The following EPHB1 variants were observed in gnomAD, a reference collection of about 807,000 sequenced individuals.
EPHB1 encodes ephrin type-B receptor 1.
In EPHB1, 30 loss-of-function variants were observed where a neutral mutation model predicts 94.4. The ratio of observed to expected loss-of-function variants is 0.32; its 90% confidence interval spans 0.24 to 0.43. EPHB1 has a LOEUF of 0.43. Ranked by LOEUF, EPHB1 falls within the 20% of genes least tolerant of loss-of-function variation. EPHB1 has a pLI of 1.00. For missense variants in EPHB1, 1,055 were observed against 1,308.3 expected (o/e 0.81, Z 2.99); for synonymous variants, 522 against 489.1 (o/e 1.07, Z -0.89).
At chr3:135,135,127 G>C (rs985753096) in intron 5 of EPHB1, among the ~76,000 whole-genome samples, 19 of 152,034 alleles carry the variant, frequency 1.2e-4, no homozygotes, top group African/African-American at 4.6e-4. Context: ...CCCCGATTTT[G>C]TAGTCCTAGC....
At chr3:135,222,625 CAG>C (rs1943299014) in intron 12 of EPHB1, among the ~76,000 whole-genome samples, 1 of 152,084 alleles carries the variant, frequency 6.6e-6, no homozygotes, top group Admixed American at 6.5e-5. Context: ...TCTGATAAAA[CAG>C]GGAGTAAACA....
intron 6 of EPHB1, among the ~76,000 whole-genome samples, chr3:135,159,962 T>A (rs1449757538): frequency 6.6e-6 from 1 of 152,198 alleles, no homozygotes; most frequent in Admixed American, 6.5e-5. Context: ...ATTTATTTCA[T>A]CTTTTGTGAC....
At chr3:135,249,062 C>T (rs1466138082) in intron 14 of EPHB1, among the ~76,000 whole-genome samples, 4 of 152,168 alleles carry the variant, frequency 2.6e-5, no homozygotes, top group Admixed American at 6.5e-5. Flanking sequence ...AGTTGGGAGC[C>T]TTCCGTTCCC....
At chr3:134,999,397 A>G (rs1171435557) in intron 3 of EPHB1, among the ~76,000 whole-genome samples, 1 of 152,184 alleles carries the variant, frequency 6.6e-6, no homozygotes, top group Non-Finnish European at 1.5e-5. Flanking sequence ...GTCTAATCTG[A>G]AGAGGATAAA....
At chr3:135,217,257 G>T (rs532287793) in intron 12 of EPHB1, among the ~76,000 whole-genome samples, 14 of 152,216 alleles carry the variant, frequency 9.2e-5, no homozygotes, top group Non-Finnish European at 1.9e-4. Flanking sequence ...CTGAGGATAG[G>T]CATCACCGTG....
At chr3:134,953,668 T>G (rs1452694068) in intron 3 of EPHB1, among the ~76,000 whole-genome samples, 3 of 152,200 alleles carry the variant, frequency 2.0e-5, no homozygotes, top group African/African-American at 7.2e-5. Flanking sequence ...CACACCACAC[T>G]TGCTGGCTGG....
chr3:134,879,255 A>G (rs1253297069), intron 1 of EPHB1, among the ~76,000 whole-genome samples: 2 of 152,180 alleles, frequency 1.3e-5, no homozygotes, highest in Admixed American at 6.5e-5. Context: ...AACTGAAACC[A>G]TTGAATCACT....
intron 1 of EPHB1, among the ~76,000 whole-genome samples, chr3:134,801,724 A>T (rs1228824618): frequency 6.6e-6 from 1 of 152,192 alleles, no homozygotes; most frequent in Non-Finnish European, 1.5e-5. Flanking sequence ...TCTTCTGCAG[A>T]TTCCATTTCA....
chr3:135,069,631 A>C (rs1212786007), intron 3 of EPHB1, among the ~76,000 whole-genome samples: 2 of 152,092 alleles, frequency 1.3e-5, no homozygotes, highest in Non-Finnish European at 2.9e-5. Flanking sequence ...TCACCTATAC[A>C]TATCCTTCCA....
At chr3:135,202,625 C>A (rs138627482) in intron 12 of EPHB1, among the ~76,000 whole-genome samples, 47 of 152,244 alleles carry the variant, frequency 3.1e-4, no homozygotes, top group African/African-American at 1.1e-3. Context: ...TTTAAACCTG[C>A]AAAAGTAATG....
intron 1 of EPHB1, among the ~76,000 whole-genome samples, chr3:134,846,209 T>G (rs142614392): frequency 6.6e-6 from 1 of 152,236 alleles, no homozygotes; most frequent in African/African-American, 2.4e-5. Context: ...TCTTGCTGTG[T>G]GTTAAGCCAG....
chr3:134,972,587 A>G (rs1319220909), intron 3 of EPHB1, among the ~76,000 whole-genome samples: 2 of 147,388 alleles, frequency 1.4e-5, no homozygotes, highest in African/African-American at 4.9e-5. Context: ...TATAATGTAT[A>G]TTAAAGAGGT....
At chr3:135,092,137 A>C (rs1338345337) in intron 3 of EPHB1, among the ~76,000 whole-genome samples, 1 of 152,164 alleles carries the variant, frequency 6.6e-6, no homozygotes, top group Non-Finnish European at 1.5e-5. Context: ...TGGAGCTACC[A>C]GATTGATGGT....
intron 2 of EPHB1, among the ~76,000 whole-genome samples, chr3:134,930,850 T>C (rs2038892051): frequency 6.6e-6 from 1 of 152,202 alleles, no homozygotes; most frequent in Non-Finnish European, 1.5e-5. Context: ...TGTGGGGCTT[T>C]GTACCAACCT....
At position 135,039,642 on chromosome 3, in the gene EPHB1, T is replaced by C. The variant is rs566844368; in HGVS notation, c.806-66806T>C. ...CAGTGGGCCGGCACTGCTGGTGGACTCAGTACACCCTCCGCAGCCACTGGC... is the reference window on the plus strand; with the variant it reads ...CAGTGGGCCGGCACTGCTGGTGGACCCAGTACACCCTCCGCAGCCACTGGC... On this transcript the variant is annotated intron_variant, in intron 3 of 15. Transcript: ENST00000398015. Among the ~76,000 whole-genome samples the C allele has an allele frequency of 5.4e-3, 829 of 152,284 alleles. 7 individuals are homozygous for C. The highest frequency in any genetic ancestry group is 0.018 in the African/African-American group (758 of 41,572).
intron 3 of EPHB1, among the ~76,000 whole-genome samples, chr3:135,051,418 A>G (rs969803847): frequency 1.3e-5 from 2 of 152,248 alleles, no homozygotes; most frequent in Non-Finnish European, 2.9e-5. Flanking sequence ...TTATTTCCTA[A>G]TAATAAATCC....
chr3:135,223,660 C>T (rs772073529), intron 12 of EPHB1, among the ~76,000 whole-genome samples: 20 of 152,264 alleles, frequency 1.3e-4, no homozygotes, highest in African/African-American at 3.1e-4. Context: ...GATGTCTTGG[C>T]GCACTCCTCA....
At chr3:135,031,458 CA>C (rs1576331385) in intron 3 of EPHB1, among the ~76,000 whole-genome samples, 2 of 152,258 alleles carry the variant, frequency 1.3e-5, no homozygotes, top group East Asian at 3.9e-4. Flanking sequence ...TGGAGGTATA[CA>C]CCACCATGCC....
At chr3:135,180,021 T>G in intron 10 of EPHB1, 39 bp downstream of exon 10, 6 of 1,611,442 alleles carry the variant, frequency 3.7e-6, no homozygotes, top group Non-Finnish European at 5.1e-6. Flanking sequence ...TCTCCTGGTG[T>G]CCAAACATCT....
Sources: allele counts gnomAD v4.1 joint callset (sites outside exome capture counted in the v4.1 genomes callset), GRCh38; gene constraint gnomAD v4.1.1; transcripts MANE v1.5; gene names NCBI Gene and HGNC (gene_info 2026-07-23, HGNC 2026-07-21).